CPT2: variants seen among roughly 807,000 people sequenced by gnomAD.
CPT2 encodes carnitine O-palmitoyltransferase 2, mitochondrial.
Under a neutral mutation model 48.6 loss-of-function variants are expected in CPT2, and 37 were observed. That is an observed-to-expected ratio of 0.76 (90% CI 0.59 to 1.00). The LOEUF (loss-of-function observed/expected upper bound fraction) is 1.00, where lower values mean the gene tolerates loss of function less well. Ranked by LOEUF, CPT2 falls within the 50% of genes least tolerant of loss-of-function variation. The pLI, the probability that CPT2 is intolerant of heterozygous loss-of-function variation, is 0.00. For synonymous variants in CPT2, 319 were observed against 326.9 expected (o/e 0.98, Z 0.26); for missense variants, 772 against 825.6 (o/e 0.94, Z 0.80).
At chr1:53,207,418 G>C (rs543802583) in intron 3 of CPT2, 1 of 152,330 alleles carries the variant, frequency 6.6e-6, no homozygotes, top group African/African-American at 2.4e-5. Context: ...AGTAAGGGAA[G>C]AAGGTTTGAG....
intron 4 of CPT2, chr1:53,212,855 G>C (rs1368918210): frequency 2.2e-6 from 1 of 448,464 alleles, no homozygotes; most frequent in Non-Finnish European, 3.9e-6. Context: ...TGGTCAAACA[G>C]ACTTTCCATT....
In CPT2 at chr1:53,213,563, G is replaced by C. The variant is rs1369979706; in HGVS notation, c.1945G>C (p.Asp649His). The C allele has an allele frequency of 6.2e-7, 1 of 1,613,942 alleles. No individual in the cohort carries two copies. Among genetic ancestry groups the C allele is most frequent in the African/African-American group, 1.3e-5 (1 of 74,946 alleles). Residue 649 changes from aspartate (D) to histidine (H), a missense_variant, in exon 5 of 5, where the codon GAT (aspartate) becomes CAT (histidine). By Grantham distance (81) the Asp-to-His change is moderately conservative. Transcript: ENST00000371486. ...CVEKALEDMF[D>H]ALEGKSIKS ...GGAGAAGGCCTTAGAAGACATGTTT[G>C]ATGCCTTAGAAGGCAAATCCATCAA... is the stretch of plus-strand genomic sequence containing the variant.
intron 4 of CPT2, chr1:53,211,576 T>G: frequency 2.0e-6 from 1 of 506,404 alleles, no homozygotes; most frequent in Non-Finnish European, 3.5e-6. Context: ...CTTTCAGCTG[T>G]GACGCATTAA....
At chr1:53,206,034 A>T (rs1018904519) in intron 3 of CPT2, among the ~76,000 whole-genome samples, 1 of 152,004 alleles carries the variant, frequency 6.6e-6, no homozygotes, top group South Asian at 2.1e-4. Context: ...TACAAAAAAA[A>T]TTAGCCGGGT....
At chr1:53,209,941 T>G (rs1246779517) in intron 3 of CPT2, 74 bp from the exon 4 acceptor site, 4 of 1,320,630 alleles carry the variant, frequency 3.0e-6, no homozygotes, top group Non-Finnish European at 4.3e-6. Flanking sequence ...TGCTTGAATT[T>G]TTTTTCTTCT....
At chr1:53,200,823 A>T in intron 2 of CPT2, 24 bp downstream of exon 2, 1 of 1,586,072 alleles carries the variant, frequency 6.3e-7, no homozygotes, top group African/African-American at 1.3e-5. Flanking sequence ...ACCTTGGGTG[A>T]GCATAGTTGG....
intron 4 of CPT2, chr1:53,211,571 A>AGC (rs1485195053): frequency 1.9e-6 from 1 of 514,714 alleles, no homozygotes; most frequent in Non-Finnish European, 3.4e-6. Context: ...GGTCACTTTC[A>AGC]GCTGTGACGC....
chr1:53,206,194 A>AG (rs1645388471), intron 3 of CPT2, among the ~76,000 whole-genome samples: 1 of 151,774 alleles, frequency 6.6e-6, no homozygotes, highest in East Asian at 1.9e-4. Flanking sequence ...AAAAAAAAAA[A>AG]AAAAAAAAAG....
chr1:53,204,691 G>A (rs1387319428), intron 3 of CPT2, among the ~76,000 whole-genome samples: 1 of 152,212 alleles, frequency 6.6e-6, no homozygotes, highest in South Asian at 2.1e-4. Context: ...TAATCCCCAC[G>A]TGTTGAAGGA....
In CPT2 at chr1:53,204,464, A is replaced by G. The variant is rs181670255; in HGVS notation, c.340+2035A>G. 8 of 151,386 alleles carry G rather than the reference A, an allele frequency of 5.3e-5. No homozygotes were observed. The East Asian group carries it at 9.7e-4, about 18-fold the overall frequency. The allele number at this position is 151,386 out of a possible 1,614,324, so 9.4% of individuals were successfully genotyped here. On this transcript the variant is annotated intron_variant, in intron 3 of 4. Transcript: ENST00000371486. The stretch of plus-strand genomic sequence containing the variant: ...TTTTTTTAAGATCTCTTCTCTCTTC[A>G]TAGTCTGTTGCCTCCAAGTTGCTTT...
At position 53,200,818 on chromosome 1, in the gene CPT2, G is replaced by C. The variant is rs756109518; in HGVS notation, c.233+19G>C. The C allele has an allele frequency of 6.3e-7, 1 of 1,595,622 alleles. No homozygotes were observed. Among genetic ancestry groups the C allele is most frequent in the Non-Finnish European group, 8.6e-7 (1 of 1,163,172 alleles). On this transcript the variant is annotated intron_variant, in intron 2 of 4. Coordinates refer to ENST00000371486, the MANE Select transcript of CPT2 (RefSeq NM_000098.3). ...AGTTCAGGTAAACACTGAGAACCTT[G>C]GGTGAGCATAGTTGGGGTGGTTCAA...
intron 3 of CPT2, chr1:53,207,387 A>G (rs372423700): frequency 2.6e-5 from 4 of 152,234 alleles, no homozygotes; most frequent in African/African-American, 7.2e-5. Flanking sequence ...AAAGGTTGCT[A>G]GTGTTGTAGA....
At chr1:53,197,231 T>G (rs1387754710) in intron 1 of CPT2, 136 bp downstream of exon 1, 11 of 1,098,304 alleles carry the variant, frequency 1.0e-5, no homozygotes, top group South Asian at 8.0e-5. Context: ...CCACAGCCCC[T>G]AATCTGGAAG....
chr1:53,199,320 C>T (rs1471389758), intron 1 of CPT2, among the ~76,000 whole-genome samples: 1 of 152,148 alleles, frequency 6.6e-6, no homozygotes, highest in Admixed American at 6.5e-5. Context: ...GGCCTCCCAT[C>T]TGGGACCACA....
rs144658100 is a variant in CPT2 at position 53,210,699 on chromosome 1, T to C, written c.1025T>C (p.Met342Thr). The C allele has an allele frequency of 1.0e-3, 1,688 of 1,614,218 alleles. 2 individuals carry two copies. Among genetic ancestry groups the C allele is most frequent in the Non-Finnish European group, 1.2e-3 (1,388 of 1,180,044 alleles). ...GACCTTGTCCACTTGTCCCACAATA[T>C]GCTGCATGGGGATGGCACAAACCGC... ...IKDLVHLSHN[M>T]LHGDGTNRWF... Residue 342 changes from methionine (M) to threonine (T), a missense_variant, in exon 4 of 5, where the codon ATG becomes ACG. Coordinates refer to ENST00000371486, the MANE Select transcript of CPT2 (RefSeq NM_000098.3).
rs758532461 is a variant in CPT2 at position 53,213,608 on chromosome 1, T to A, written c.*13T>A. The A allele has an allele frequency of 2.5e-6, 4 of 1,608,928 alleles. No individual in the cohort carries two copies. The South Asian group carries it at 4.4e-5, about 18-fold the overall frequency. On this transcript the variant is annotated 3_prime_UTR_variant, in exon 5 of 5. Coordinates refer to ENST00000371486, the MANE Select transcript of CPT2 (RefSeq NM_000098.3). Reference sequence around the variant, plus strand: ...CATCAAAAGTTAACTTCTGGGCAGATGAAAAGCTACCATCACTTCCTCATC... The same window carrying A: ...CATCAAAAGTTAACTTCTGGGCAGAAGAAAAGCTACCATCACTTCCTCATC...
intron 4 of CPT2, among the ~76,000 whole-genome samples, chr1:53,211,773 A>AT (rs1645430312): frequency 6.6e-6 from 1 of 151,592 alleles, no homozygotes; most frequent in South Asian, 2.1e-4. Flanking sequence ...TAGTTTTTGC[A>AT]TTTTTAGTAA....
rs1645443275 is a variant in CPT2 at position 53,213,428 on chromosome 1, C to T, written c.1810C>T (p.Pro604Ser). 3 of 1,614,244 alleles carry T rather than the reference C, an allele frequency of 1.9e-6. No homozygotes were observed. Among genetic ancestry groups the T allele is most frequent in the Non-Finnish European group, 2.5e-6 (3 of 1,180,048 alleles). ...SPAVNLGGFA[P>S]VVSDGFGVGY... is the part of the protein sequence containing the mutation. ...AGCAGTGAACCTTGGGGGCTTTGCC[C>T]CTGTGGTCTCTGATGGCTTTGGTGT... Residue 604 changes from proline to serine, a missense_variant, in exon 5 of 5, where the codon CCT becomes TCT. Coordinates refer to ENST00000371486, the MANE Select transcript of CPT2 (RefSeq NM_000098.3).
At chr1:53,197,228 C>T (rs1167286103) in intron 1 of CPT2, 133 bp downstream of exon 1, 15 of 1,113,862 alleles carry the variant, frequency 1.3e-5, no homozygotes, top group East Asian at 1.3e-4. Context: ...CTGCCACAGC[C>T]CCTAATCTGG....
Sources: gnomAD v4.1 joint callset for allele counts (sites outside exome capture counted in the v4.1 genomes callset) on GRCh38, gnomAD v4.1.1 for gene constraint, MANE v1.5 for transcripts, NCBI Gene and HGNC (gene_info 2026-07-23, HGNC 2026-07-21) for gene names.